The following TRPM3 variants were observed in gnomAD, a reference collection of about 807,000 sequenced individuals.
The protein encoded by TRPM3 is transient receptor potential cation channel subfamily M member 3, also known as long transient receptor potential channel 3.
Under a neutral mutation model 181.2 loss-of-function variants are expected in TRPM3, and 77 were observed. The ratio of observed to expected loss-of-function variants is 0.42; its 90% CI spans 0.35 to 0.51. The LOEUF is 0.51. TRPM3 is among the 20% of genes least tolerant of loss of function. The pLI, the probability that TRPM3 is intolerant of heterozygous loss-of-function variation, is 0.01. For missense variants in TRPM3, 1,759 were observed against 2,196.7 expected (o/e 0.80, Z 3.98); for synonymous variants, 745 against 796.4 (o/e 0.94, Z 1.09).
At chr9:70,967,936 T>A (rs2097202305) in intron 1 of TRPM3, among the ~76,000 whole-genome samples, 1 of 152,174 alleles carries the variant, frequency 6.6e-6, no homozygotes, top group South Asian at 2.1e-4. Flanking sequence ...ATCTCCATTT[T>A]ATAGATGAGA....
Position 70,620,271 on chromosome 9 carries a change from G to A in TRPM3, c.1934C>T (p.Pro645Leu), listed in dbSNP as rs2063433999. 6.2e-7 allele frequency: 1 copy of A among 1,614,074 alleles called. No homozygotes were observed. Among genetic ancestry groups the A allele is most frequent in the African/African-American group, 1.3e-5 (1 of 74,914 alleles). ...DLDDPEINHF[P>L]FPFHELMVWA... is the part of the protein sequence containing the mutation. ...CACCATGAGCTCATGGAAAGGGAAG[G>A]GGAAGTGGTTGATCTCAGGATCATC... is the stretch of plus-strand genomic sequence containing the variant. The change falls in exon 16 of 26, where the codon CCC becomes CTC. Residue 645 changes from proline to leucine, a missense_variant. This residue lies in a region of TRPM3 where 737 missense variants were observed against 957.4 expected (regional missense o/e 0.77). Coordinates refer to ENST00000677713, the MANE Select transcript of TRPM3 (RefSeq NM_001366145.2).
intron 1 of TRPM3, among the ~76,000 whole-genome samples, chr9:71,315,060 G>A (rs2088427721): frequency 6.6e-6 from 1 of 152,066 alleles, no homozygotes; most frequent in African/African-American, 2.4e-5. Context: ...TAAAATGTGT[G>A]GCAATGTGTA....
intron 1 of TRPM3, among the ~76,000 whole-genome samples, chr9:71,042,952 T>C (rs1052291572): frequency 2.6e-5 from 4 of 152,208 alleles, no homozygotes; most frequent in African/African-American, 9.6e-5. Context: ...GACTTTGAAA[T>C]GACTTTGCTA....
chr9:71,415,076 T>C (rs577954501), intron 1 of TRPM3, among the ~76,000 whole-genome samples: 25 of 152,170 alleles, frequency 1.6e-4, no homozygotes, highest in African/African-American at 5.3e-4. Flanking sequence ...ACAATTATCA[T>C]TGTAAGAGAG....
chr9:71,435,223 T>C (rs1198509197), intron 1 of TRPM3, among the ~76,000 whole-genome samples: 2 of 152,176 alleles, frequency 1.3e-5, no homozygotes, highest in Non-Finnish European at 2.9e-5. Flanking sequence ...TTTAGTGTAC[T>C]TATAATGTGA....
At chr9:71,194,649 T>G (rs148967483) in intron 1 of TRPM3, among the ~76,000 whole-genome samples, 5 of 152,096 alleles carry the variant, frequency 3.3e-5, no homozygotes, top group African/African-American at 1.2e-4. Flanking sequence ...GAATTCCTAC[T>G]GCGTGAAATC....
Position 70,620,100 on chromosome 9 carries a change from G to A in TRPM3, c.2105C>T (p.Ser702Phe). The change falls in exon 16 of 26, where the codon TCC (serine) becomes TTC (phenylalanine). Residue 702 changes from serine to phenylalanine, a missense_variant. Around this residue, in one of 8 missense-constraint regions of TRPM3, gnomAD observed 737 missense variants for 957.4 expected, o/e 0.77. Transcript: ENST00000677713. ...CCTGGAATTGTGATTCAGCTCCTGG[G>A]AAATGTCGTCAACCATGTCGTTCTC... ...ASENDMVDDI[S>F]QELNHNSRDF... The A allele has an allele frequency of 1.9e-6, 3 of 1,607,246 alleles. No individual in the cohort carries two copies. Among genetic ancestry groups the A allele is most frequent in the Non-Finnish European group, 2.6e-6 (3 of 1,174,322 alleles).
At chr9:70,673,694 C>T (rs936485745) in intron 9 of TRPM3, among the ~76,000 whole-genome samples, 4 of 151,920 alleles carry the variant, frequency 2.6e-5, no homozygotes, top group South Asian at 4.2e-4. Flanking sequence ...TTTGGGAGGC[C>T]GAGGCACATA....
chr9:70,892,141 A>T (rs1337033), intron 1 of TRPM3, among the ~76,000 whole-genome samples: 1 of 152,036 alleles, frequency 6.6e-6, no homozygotes, highest in East Asian at 1.9e-4. Flanking sequence ...TGAATCGCCC[A>T]TGTTATTTTA....
chr9:70,613,402 G>A (rs1021102912), intron 18 of TRPM3, among the ~76,000 whole-genome samples: 6 of 152,184 alleles, frequency 3.9e-5, no homozygotes, highest in African/African-American at 7.2e-5. Flanking sequence ...TGATATTTTC[G>A]TGTGTCGTTT....
chr9:71,280,410 G>A (rs1383743411), intron 1 of TRPM3, among the ~76,000 whole-genome samples: 1 of 152,060 alleles, frequency 6.6e-6, no homozygotes, highest in African/African-American at 2.4e-5. Flanking sequence ...TGTTATGTGT[G>A]ATGCTATGAC....
In TRPM3 at chr9:70,666,512, G is replaced by A. The variant is rs181290075; in HGVS notation, c.1345+14994C>T. Among the ~76,000 whole-genome samples, 259 of 152,328 alleles carry A rather than the reference G, an allele frequency of 1.7e-3. 2 individuals are homozygous for A. The highest frequency in any genetic ancestry group is 3.1e-3 in the Non-Finnish European group (214 of 68,038). ...ATTTTACCATCACAAGTGATCAGTA[G>A]ATTAGATATAGGCCTAGATTGAAAA... On this transcript the variant is annotated intron_variant, in intron 9 of 25. Coordinates refer to ENST00000677713, the MANE Select transcript of TRPM3 (RefSeq NM_001366145.2).
In TRPM3 at chr9:70,832,101, A is replaced by G. The variant is rs529438838; in HGVS notation, c.802-4083T>C. Among the ~76,000 whole-genome samples, 798 of 124,906 alleles carry G rather than the reference A, an allele frequency of 6.4e-3. 11 individuals carry two copies. Among genetic ancestry groups the G allele is most frequent in the African/African-American group, 0.023 (748 of 32,678 alleles). The allele number at this position is 124,906 out of a possible 152,430, so 81.9% of individuals were successfully genotyped here. ...GGTGGGAATTGAACAATGAGAACAC[A>G]TGGACACAGGAAGGGGAACATCACA... is the stretch of plus-strand genomic sequence containing the variant. On this transcript the variant is annotated intron_variant, in intron 5 of 25. Transcript: ENST00000677713.
intron 1 of TRPM3, among the ~76,000 whole-genome samples, chr9:70,911,871 CA>C (rs2096541766): frequency 6.6e-6 from 1 of 152,166 alleles, no homozygotes; most frequent in Non-Finnish European, 1.5e-5. Flanking sequence ...CATATCTTCC[CA>C]TTTGCCTCCC....
chr9:70,862,882 G>A lies in TRPM3; in HGVS notation c.462+26C>T, dbSNP rs546947391. 3.0e-5 allele frequency: 49 copies of A among 1,610,174 alleles called. No individual in the cohort carries two copies. In the South Asian group the frequency reaches 4.5e-4, roughly 15 times the overall value. The stretch of plus-strand genomic sequence containing the variant: ...ACTTGAGACTTGAGATAGCATTTGG[G>A]AGCAACTGAATGGCTTTCTGATTAC... On this transcript the variant is annotated intron_variant, in intron 3 of 25. Coordinates refer to ENST00000677713, the MANE Select transcript of TRPM3 (RefSeq NM_001366145.2).
Position 70,652,250 on chromosome 9 carries a change from TA to T in TRPM3, c.1346-11591del, listed in dbSNP as rs572143899. ...ATGATTACTTTGTTTATATTATTAT[TA>T]TTATTAATTATTTTTAAGACAGTTA... is the stretch of plus-strand genomic sequence containing the variant. On this transcript the variant is annotated intron_variant, in intron 9 of 25. Transcript: ENST00000677713. 1.1e-3 allele frequency among the ~76,000 whole-genome samples: 169 copies of T among 152,136 alleles called. 2 individuals carry two copies. The highest frequency in any genetic ancestry group is 3.9e-3 in the African/African-American group (162 of 41,520).
At chr9:70,687,632 G>A (rs1344210479) in intron 8 of TRPM3, among the ~76,000 whole-genome samples, 1 of 152,146 alleles carries the variant, frequency 6.6e-6, no homozygotes, top group Admixed American at 6.5e-5. Context: ...TAGGCTAGAT[G>A]GAATTTTGAT....
chr9:71,143,353 T>C (rs1032614740), intron 1 of TRPM3, among the ~76,000 whole-genome samples: 2 of 152,094 alleles, frequency 1.3e-5, no homozygotes, highest in Non-Finnish European at 2.9e-5. Flanking sequence ...CCCCACTCTC[T>C]GAAAGGCCCC....
intron 1 of TRPM3, among the ~76,000 whole-genome samples, chr9:70,912,542 A>G (rs1337036): frequency 0.23 from 35,491 of 152,126 alleles, 6,472 homozygotes; most frequent in African/African-American, 0.51. Context: ...CTGATAGTAG[A>G]TAAGGAAAGT....
Sources: gnomAD v4.1 joint callset for allele counts (sites outside exome capture counted in the v4.1 genomes callset) on GRCh38, gnomAD v4.1.1 for gene constraint, gnomAD v4.1.1 regional missense constraint, MANE v1.5 for transcripts, NCBI Gene and HGNC (gene_info 2026-07-23, HGNC 2026-07-21) for gene names.